Variants in COL18A1 observed in about 807,000 individuals in gnomAD.
COL18A1 encodes the protein collagen alpha-1(XVIII) chain.
COL18A1 carries 133 observed loss-of-function variants against 168.0 expected under a neutral mutation model. The observed-to-expected ratio is 0.79, with a 90% CI of 0.69 to 0.91. The LOEUF (loss-of-function observed/expected upper bound fraction) is 0.91, where lower values mean the gene tolerates loss of function less well. Ranked by LOEUF, COL18A1 falls within the 40% of genes least tolerant of loss-of-function variation. The pLI is 0.00. For synonymous variants in COL18A1, 949 were observed against 809.0 expected (o/e 1.17, Z -2.94); for missense variants, 2,126 against 1,925.4 (o/e 1.10, Z -1.95).
chr21:45,425,446 G>A lies in COL18A1; in HGVS notation c.106+19973G>A, dbSNP rs1409603357. On this transcript the variant is annotated intron_variant, in intron 2 of 41. Transcript: ENST00000651438. The surrounding 1 kb of genome is among the most constrained non-coding windows in gnomAD (Gnocchi z 4.1). The stretch of plus-strand genomic sequence containing the variant: ...TCCCCCAAGAGGTGTGCATGGAGGT[G>A]GACCCCCTGCCTCACCCTCGGGTGG... Among the ~76,000 whole-genome samples, 2 of 152,162 alleles carry A rather than the reference G, an allele frequency of 1.3e-5. No individual in the cohort carries two copies. The highest frequency in any genetic ancestry group is 2.9e-5 in the Non-Finnish European group (2 of 68,024).
chr21:45,501,351 C>T (rs945703024), intron 32 of COL18A1, among the ~76,000 whole-genome samples: 4 of 152,046 alleles, frequency 2.6e-5, no homozygotes, highest in Admixed American at 1.3e-4. Flanking sequence ...GTCTGACAGG[C>T]GTCACCTGCG....
chr21:45,482,730 G>A, intron 14 of COL18A1, 65 bp from the exon 15 acceptor site: 1 of 1,613,416 alleles, frequency 6.2e-7, no homozygotes, highest in South Asian at 1.1e-5. Flanking sequence ...GCAGGGCGAT[G>A]TGCCTTCCTC....
intron 2 of COL18A1, among the ~76,000 whole-genome samples, chr21:45,445,735 G>T (rs2034490185): frequency 6.6e-6 from 1 of 152,064 alleles, no homozygotes; most frequent in Non-Finnish European, 1.5e-5. Context: ...CTTTCTTGGC[G>T]ATCTGTATTT....
At chr21:45,449,312 T>C (rs2034571076) in intron 2 of COL18A1, among the ~76,000 whole-genome samples, 1 of 152,172 alleles carries the variant, frequency 6.6e-6, no homozygotes, top group Non-Finnish European at 1.5e-5. Context: ...CGCCAGGCTG[T>C]GCTTGGCATT....
chr21:45,513,482 G>A lies in COL18A1; in HGVS notation c.*1084G>A, dbSNP rs917968755. On this transcript the variant is annotated 3_prime_UTR_variant, in exon 42 of 42. Coordinates refer to ENST00000651438, the MANE Select transcript of COL18A1 (RefSeq NM_001379500.1). ...GGCCGCCCTGCGGGTGAACAAAGCAGCCACGAGGTGCAACAAGGTCCTCTG... is the reference window on the plus strand; with the variant it reads ...GGCCGCCCTGCGGGTGAACAAAGCAACCACGAGGTGCAACAAGGTCCTCTG... 2.0e-5 allele frequency: 3 copies of A among 152,380 alleles called. No homozygotes were observed. The highest frequency in any genetic ancestry group is 6.5e-5 in the Admixed American group (1 of 15,310). The allele number at this position is 152,380 out of a possible 1,614,324, so 9.4% of individuals were successfully genotyped here.
Position 45,452,030 on chromosome 21 carries a change from G to A in COL18A1, c.107-16212G>A, listed in dbSNP as rs948247433. Among the ~76,000 whole-genome samples, 5 of 152,240 alleles carry A rather than the reference G, an allele frequency of 3.3e-5. No individual in the cohort carries two copies. In the East Asian group the frequency reaches 5.8e-4, roughly 18 times the overall value. On this transcript the variant is annotated intron_variant, in intron 2 of 41. Transcript: ENST00000651438. ...TCACCCCAGGAGGCACCGAGGAGCC[G>A]CAGGGAAACTGCCAACTGCTGCTCC... is the stretch of plus-strand genomic sequence containing the variant.
At chr21:45,478,850 C>T (rs943583945) in intron 9 of COL18A1, among the ~76,000 whole-genome samples, 3 of 152,214 alleles carry the variant, frequency 2.0e-5, no homozygotes, top group African/African-American at 4.8e-5. Flanking sequence ...TGGTAACACT[C>T]GGCAGAAAGT....
chr21:45,411,767 G>GGGGGGGGGGGGGGGGGT (rs2033299491), intron 2 of COL18A1, among the ~76,000 whole-genome samples: 1 of 101,444 alleles, frequency 9.9e-6, no homozygotes, highest in African/African-American at 5.0e-5. Context: ...GGCGGGGGGT[G>GGGGGGGGGGGGGGGGGT]GGGGGGGGGC....
chr21:45,494,672 C>T, intron 27 of COL18A1, 101 bp downstream of exon 27: 4 of 1,539,640 alleles, frequency 2.6e-6, no homozygotes, highest in Non-Finnish European at 9.0e-7. Context: ...CGGCCCAGGG[C>T]TCATCTCCCT....
intron 2 of COL18A1, among the ~76,000 whole-genome samples, chr21:45,434,347 G>C (rs2034043594): frequency 6.6e-6 from 1 of 152,172 alleles, no homozygotes; most frequent in South Asian, 2.1e-4. Flanking sequence ...TGAAACCTCT[G>C]TTCTCAGTTC....
intron 6 of COL18A1, among the ~76,000 whole-genome samples, chr21:45,476,695 ATGT>A (rs907911022): frequency 3.3e-5 from 5 of 149,542 alleles, no homozygotes; most frequent in Non-Finnish European, 7.4e-5. Context: ...GACATGTGTG[ATGT>A]TTATGTGATG....
intron 34 of COL18A1, 140 bp from the exon 35 acceptor site, chr21:45,504,994 A>G: frequency 9.4e-7 from 1 of 1,063,440 alleles, no homozygotes; most frequent in Non-Finnish European, 1.4e-6. Context: ...TTCTCAGGCT[A>G]TGGCGTGGGC....
At chr21:45,433,384 G>A (rs367973516) in intron 2 of COL18A1, among the ~76,000 whole-genome samples, 1 of 152,186 alleles carries the variant, frequency 6.6e-6, no homozygotes, top group South Asian at 2.1e-4. Flanking sequence ...AGTGGAGCCC[G>A]GGAGCCTCTC....
At position 45,480,485 on chromosome 21, in the gene COL18A1, G is replaced by A; in HGVS notation, c.1417G>A (p.Gly473Arg). ...HDKLTFIDME[G>R]SGFGGDLEAL... ...TCCTCAGACCTTCATTGACATGGAG[G>A]GATCTGGCTTCGGGGGCGATCTGGA... Residue 473 changes from glycine (G) to arginine (R), a missense_variant, in exon 12 of 42, where the codon GGA becomes AGA. Gly to Arg is a moderately radical substitution (Grantham distance 125). Transcript: ENST00000651438. The A allele has an allele frequency of 6.2e-7, 1 of 1,614,152 alleles. No individual in the cohort carries two copies. The highest frequency in any genetic ancestry group is 8.5e-7 in the Non-Finnish European group (1 of 1,180,020).
intron 15 of COL18A1, among the ~76,000 whole-genome samples, 179 bp from the exon 16 acceptor site, chr21:45,486,682 A>G (rs1026507510): frequency 6.6e-6 from 1 of 152,224 alleles, no homozygotes; most frequent in South Asian, 2.1e-4. Context: ...TGTGTGGCTG[A>G]AATCGTGTCG....
rs370098385 is a variant in COL18A1, at chr21:45,498,324, C to T, written c.2683+663C>T. ...CCCTCTCGCCGCCACGGTCCCCTCT[C>T]GCCGCCAGGGTCCCCTCTCACCGCC... On this transcript the variant is annotated intron_variant, in intron 32 of 41. Transcript: ENST00000651438. The surrounding 1 kb of genome is among the most constrained non-coding windows in gnomAD (Gnocchi z 4.5). The T allele has an allele frequency of 9.6e-5, 65 of 678,268 alleles. No individual in the cohort carries two copies. The highest frequency in any genetic ancestry group is 6.1e-4 in the African/African-American group (34 of 55,874). The allele number at this position is 678,268 out of a possible 1,614,324, so 42.0% of individuals were successfully genotyped here. A position where few individuals can be genotyped will look rare whatever the true frequency, so the allele number is the denominator to read the frequency against.
intron 18 of COL18A1, among the ~76,000 whole-genome samples, chr21:45,489,224 G>T (rs1375870489): frequency 1.3e-5 from 2 of 152,228 alleles, no homozygotes; most frequent in Non-Finnish European, 2.9e-5. Flanking sequence ...TCTCAGCGGG[G>T]TTCCTCTTGC....
chr21:45,487,571 A>T, intron 17 of COL18A1, 62 bp downstream of exon 17: 2 of 1,595,172 alleles, frequency 1.3e-6, no homozygotes, highest in South Asian at 2.2e-5. Flanking sequence ...CTGGGGCAGG[A>T]GAGTGTCCCT....
intron 2 of COL18A1, among the ~76,000 whole-genome samples, chr21:45,452,067 CT>C (rs1332141523): frequency 6.6e-6 from 1 of 152,260 alleles, no homozygotes; most frequent in Non-Finnish European, 1.5e-5. Context: ...TGTGCCTCAG[CT>C]TCTCTGCTCC....
Sources: gnomAD v4.1 joint callset for allele counts (sites outside exome capture counted in the v4.1 genomes callset) on GRCh38, gnomAD v4.1.1 for gene constraint, Gnocchi (gnomAD v3.1) non-coding constraint, MANE v1.5 for transcripts, NCBI Gene and HGNC (gene_info 2026-07-23, HGNC 2026-07-21) for gene names.